Variants in XKR9 observed in about 807,000 individuals in gnomAD.
XKR9 encodes the protein XK related 9.
A neutral mutation model predicts 32.0 loss-of-function variants in XKR9; 32 were observed. The observed-to-expected ratio is 1.00, with a 90% CI of 0.76 to 1.34. XKR9 has a LOEUF of 1.34. Ranked by LOEUF, XKR9 falls within the 40% of genes most tolerant of loss-of-function variation. The pLI is 0.00. For missense variants in XKR9, 546 were observed against 429.7 expected, an observed-to-expected ratio of 1.27 and a Z score of -2.39; for synonymous variants, 168 against 143.4, an observed-to-expected ratio of 1.17 and a Z score of -1.22.
downstream of XKR9, among the ~76,000 whole-genome samples, chr8:70,740,805 C>G (rs550832920): frequency 6.6e-6 from 1 of 152,234 alleles, no homozygotes; most frequent in Non-Finnish European, 1.5e-5. Context: ...ACGAATGCTG[C>G]TGTCTGATCG....
chr8:71,040,280 A>G, the XKR9 span, among the ~76,000 whole-genome samples: 4 of 152,186 alleles, frequency 2.6e-5, no homozygotes, highest in East Asian at 3.8e-4. Flanking sequence ...AGAGGAAGTG[A>G]CTGCTGAAGG....
chr8:70,850,463 CAAAAAAAAAAAAA>C, the XKR9 span, among the ~76,000 whole-genome samples: 1 of 74,002 alleles, frequency 1.4e-5, no homozygotes, highest in Admixed American at 1.6e-4. Context: ...GACTCCTTCT[CAAAAAAAAAAAAA>C]AAAAAAAAGA....
At chr8:71,030,807 A>G in the XKR9 span, among the ~76,000 whole-genome samples, 1 of 152,322 alleles carries the variant, frequency 6.6e-6, no homozygotes, top group Non-Finnish European at 1.5e-5. Flanking sequence ...CCTCATTATA[A>G]CATTGTCTTT....
intron 4 of XKR9, among the ~76,000 whole-genome samples, chr8:70,732,581 G>A (rs1806708609): frequency 6.6e-6 from 1 of 152,194 alleles, no homozygotes; most frequent in Admixed American, 6.5e-5. Flanking sequence ...CTGCTGCATG[G>A]ACAGAATCAA....
chr8:70,788,829 G>T (rs1375617282), intron 2 of XKR9, among the ~76,000 whole-genome samples: 1 of 152,030 alleles, frequency 6.6e-6, no homozygotes, highest in Non-Finnish European at 1.5e-5. Context: ...TTACATTTCT[G>T]CAAGTGCGTT....
At chr8:71,022,689 A>G in the XKR9 span, among the ~76,000 whole-genome samples, 1 of 152,074 alleles carries the variant, frequency 6.6e-6, no homozygotes, top group Non-Finnish European at 1.5e-5. Context: ...GTTTTCAGCT[A>G]TTAGTTTTTT....
At chr8:70,740,021 G>C (rs1016759915), downstream of XKR9, among the ~76,000 whole-genome samples, 16 of 152,238 alleles carry the variant, frequency 1.1e-4, no homozygotes, top group Middle Eastern at 3.4e-3. Flanking sequence ...GCCTGCCTTG[G>C]TAGACTGGGG....
At chr8:70,702,163 T>C (rs1221585954) in intron 3 of XKR9, among the ~76,000 whole-genome samples, 1 of 152,176 alleles carries the variant, frequency 6.6e-6, no homozygotes, top group Non-Finnish European at 1.5e-5. Context: ...TGTAGTTATG[T>C]TCAAATTTAT....
At chr8:70,941,098 C>A in the XKR9 span, among the ~76,000 whole-genome samples, 1 of 152,070 alleles carries the variant, frequency 6.6e-6, no homozygotes, top group African/African-American at 2.4e-5. Context: ...AACTCCATAA[C>A]CATCAAGCAA....
intron 4 of XKR9, among the ~76,000 whole-genome samples, chr8:70,715,281 G>A (rs1806051816): frequency 6.6e-6 from 1 of 152,086 alleles, no homozygotes; most frequent in South Asian, 2.1e-4. Flanking sequence ...TCCCCAAAAT[G>A]CCCACAGCCA....
At chr8:71,063,331 TA>T in the XKR9 span, among the ~76,000 whole-genome samples, 1 of 152,032 alleles carries the variant, frequency 6.6e-6, no homozygotes, top group African/African-American at 2.4e-5. Context: ...ACACGAGAAG[TA>T]AAATGGGAAG....
rs1466163794 is a variant in XKR9, at chr8:70,776,919, T to TCTCTCTC, written n.353-12420_353-12419insCTCTCTC. ...ACCTTGCATTTAGCAGGTTTTCTCTTTCTTTCTCTCTCTCTCTCTCTCTCT... is the reference window on the plus strand; with the variant it reads ...ACCTTGCATTTAGCAGGTTTTCTCTTCTCTCTCTCTTTCTCTCTCTCTCTCTCTCTCT... On this transcript the variant is annotated intron_variant and non_coding_transcript_variant, in intron 2 of 3. Coordinates refer to the XKR9 transcript ENST00000520273. Among the ~76,000 whole-genome samples the TCTCTCTC allele has an allele frequency of 5.4e-3, 377 of 69,650 alleles. 23 individuals carry two copies. Among genetic ancestry groups the TCTCTCTC allele is most frequent in the Non-Finnish European group, 7.5e-3 (292 of 38,984 alleles). The allele number at this position is 69,650 out of a possible 152,430, so 45.7% of individuals were successfully genotyped here. A position where few individuals can be genotyped will look rare whatever the true frequency, so the allele number is the denominator to read the frequency against.
intron 3 of XKR9, among the ~76,000 whole-genome samples, chr8:70,705,011 G>A (rs1167103138): frequency 6.6e-6 from 1 of 152,122 alleles, no homozygotes; most frequent in Non-Finnish European, 1.5e-5. Context: ...ATCAGGGAAT[G>A]TTATTCCAGA....
the XKR9 span, among the ~76,000 whole-genome samples, chr8:71,029,538 G>A: frequency 6.6e-6 from 1 of 152,088 alleles, no homozygotes; most frequent in African/African-American, 2.4e-5. Flanking sequence ...ATTGCCAGTA[G>A]AGCAAAGGTA....
chr8:70,958,183 A>C, the XKR9 span, among the ~76,000 whole-genome samples: 1 of 152,192 alleles, frequency 6.6e-6, no homozygotes, highest in Non-Finnish European at 1.5e-5. Context: ...TAGCTTTGTA[A>C]TAGAATGATT....
At chr8:70,982,219 T>C in the XKR9 span, among the ~76,000 whole-genome samples, 1 of 152,168 alleles carries the variant, frequency 6.6e-6, no homozygotes, top group Non-Finnish European at 1.5e-5. Flanking sequence ...ATTCAGGTTT[T>C]TCAGATGGTG....
At chr8:70,709,468 A>C (rs1248529238) in intron 4 of XKR9, among the ~76,000 whole-genome samples, 2 of 152,200 alleles carry the variant, frequency 1.3e-5, no homozygotes, top group East Asian at 3.9e-4. Context: ...TGGGTAAGTG[A>C]AAGAAATAAA....
intron 3 of XKR9, among the ~76,000 whole-genome samples, chr8:70,690,520 T>G (rs2132131993): frequency 6.7e-6 from 1 of 148,330 alleles, no homozygotes; most frequent in Admixed American, 6.7e-5. Flanking sequence ...TTTTTTGTAT[T>G]TAGTAGAGAT....
the XKR9 span, among the ~76,000 whole-genome samples, chr8:71,034,973 A>C: frequency 2.9e-3 from 444 of 152,290 alleles, 2 homozygotes; most frequent in Middle Eastern, 0.01. Context: ...GTTCTCAACT[A>C]TTTGTGGAAC....
Sources: allele counts gnomAD v4.1 joint callset (sites outside exome capture counted in the v4.1 genomes callset), GRCh38; gene constraint gnomAD v4.1.1; transcripts MANE v1.5; gene names NCBI Gene and HGNC (gene_info 2026-07-23, HGNC 2026-07-21).